CACNA1E: variants seen among roughly 807,000 people sequenced by gnomAD.
CACNA1E encodes voltage-dependent R-type calcium channel subunit alpha-1E.
CACNA1E carries 40 observed loss-of-function variants against 259.2 expected under a neutral mutation model. The ratio of observed to expected loss-of-function variants is 0.15; its 90% confidence interval spans 0.12 to 0.20. CACNA1E has a LOEUF of 0.20. Ranked by LOEUF, CACNA1E falls within the 10% of genes least tolerant of loss-of-function variation. The pLI is 1.00. For synonymous variants in CACNA1E, 1,104 were observed against 1,138.5 expected, an observed-to-expected ratio of 0.97 and a Z score of 0.61; for missense variants, 1,874 against 3,040.1, an observed-to-expected ratio of 0.62 and a Z score of 9.02.
chr1:181,647,691 CAGA>C lies in CACNA1E; in HGVS notation c.952-3644_952-3642del, dbSNP rs1393734598. On this transcript the variant is annotated intron_variant, in intron 6 of 47. Transcript: ENST00000367573. The stretch of plus-strand genomic sequence containing the variant: ...CAATTTTGTTTTAATAATGATGAAT[CAGA>C]AGGAGATTGAAGCCCCAACTGGCAT... 3.9e-5 allele frequency among the ~76,000 whole-genome samples: 6 copies of C among 152,250 alleles called. No individual in the cohort carries two copies. The East Asian group carries it at 9.6e-4, about 24-fold the overall frequency.
intron 25 of CACNA1E, among the ~76,000 whole-genome samples, chr1:181,743,193 C>G (rs1346674081): frequency 2.0e-5 from 3 of 152,156 alleles, no homozygotes; most frequent in African/African-American, 7.2e-5. Flanking sequence ...CACATGGAGA[C>G]AGAGTGTTTG....
At chr1:181,442,284 G>GT (rs1418251738) in intron 2 of CACNA1E, among the ~76,000 whole-genome samples, 1 of 150,502 alleles carries the variant, frequency 6.6e-6, no homozygotes, top group Non-Finnish European at 1.5e-5. Flanking sequence ...AGGTATGAGG[G>GT]TCAGGGCATG....
chr1:181,799,175 G>T lies in CACNA1E; in HGVS notation c.*341G>T. 5.0e-6 allele frequency: 1 copy of T among 199,442 alleles called. No homozygotes were observed. The highest frequency in any genetic ancestry group is 1.3e-4 in the East Asian group (1 of 7,638). The allele number at this position is 199,442 out of a possible 1,614,324, so 12.4% of individuals were successfully genotyped here. ...TTTCTAAAAGCTGTGGAGGGATCTA[G>T]CTGGCCTATGTCTACACTCAGTGCC... On this transcript the variant is annotated 3_prime_UTR_variant, in exon 48 of 48. Coordinates refer to ENST00000367573, the MANE Select transcript of CACNA1E (RefSeq NM_001205293.3).
intron 1 of CACNA1E, among the ~76,000 whole-genome samples, chr1:181,378,224 A>G (rs986395001): frequency 3.9e-5 from 6 of 152,250 alleles, no homozygotes; most frequent in Non-Finnish European, 7.3e-5. Context: ...TCTGGCCAAG[A>G]TGGAGCAAAA....
intron 7 of CACNA1E, 104 bp from the exon 8 acceptor site, chr1:181,710,850 A>C: frequency 1.2e-6 from 1 of 803,318 alleles, no homozygotes. Flanking sequence ...CATGGGCTTA[A>C]TAGAGGTACT....
intron 3 of CACNA1E, among the ~76,000 whole-genome samples, chr1:181,526,881 A>G (rs1160293326): frequency 6.6e-6 from 1 of 152,252 alleles, no homozygotes; most frequent in East Asian, 1.9e-4. Flanking sequence ...TGCTCTGCAC[A>G]TAGTAGATTT....
chr1:181,376,734 A>AG (rs1343790616), intron 1 of CACNA1E, among the ~76,000 whole-genome samples: 4 of 152,046 alleles, frequency 2.6e-5, no homozygotes, highest in African/African-American at 9.7e-5. Context: ...TTCTATTTCC[A>AG]GGGGAGGATG....
chr1:181,549,830 G>A (rs12117938), intron 3 of CACNA1E, among the ~76,000 whole-genome samples: 145,054 of 152,222 alleles, frequency 0.95, 69,507 homozygotes, highest in East Asian at 1. Flanking sequence ...CACTGGAGTG[G>A]GCGTGGAGTG....
chr1:181,467,200 G>T (rs759375393), intron 2 of CACNA1E, among the ~76,000 whole-genome samples: 1 of 152,224 alleles, frequency 6.6e-6, no homozygotes, highest in Non-Finnish European at 1.5e-5. Context: ...CAAGGAGATG[G>T]TTCTCAAATT....
At chr1:181,346,448 C>G (rs1015256665) in intron 1 of CACNA1E, among the ~76,000 whole-genome samples, 4 of 152,168 alleles carry the variant, frequency 2.6e-5, no homozygotes, top group Non-Finnish European at 5.9e-5. Flanking sequence ...TGGGCAGCCC[C>G]CAGTGGAAGG....
intron 7 of CACNA1E, among the ~76,000 whole-genome samples, chr1:181,695,159 GAAAT>G (rs1203121288): frequency 1.3e-5 from 2 of 152,060 alleles, no homozygotes; most frequent in Non-Finnish European, 2.9e-5. Flanking sequence ...CAAATATCTA[GAAAT>G]AAATCTGACA....
intron 1 of CACNA1E, among the ~76,000 whole-genome samples, chr1:181,498,261 G>A (rs1664946109): frequency 6.6e-6 from 1 of 152,196 alleles, no homozygotes; most frequent in Admixed American, 6.5e-5. Flanking sequence ...CTTATATCCT[G>A]ATAAAGACTA....
intron 1 of CACNA1E, among the ~76,000 whole-genome samples, chr1:181,383,778 A>G (rs1459930938): frequency 1.3e-5 from 2 of 152,220 alleles, no homozygotes; most frequent in African/African-American, 4.8e-5. Context: ...CTTACGGGGT[A>G]TGAACATGTG....
At chr1:181,694,590 T>G (rs1430362785) in intron 7 of CACNA1E, among the ~76,000 whole-genome samples, 3 of 152,192 alleles carry the variant, frequency 2.0e-5, no homozygotes, top group Non-Finnish European at 4.4e-5. Context: ...CCTTCTGCCA[T>G]GAGATGATGC....
At chr1:181,333,948 G>T (rs973337312) in intron 1 of CACNA1E, among the ~76,000 whole-genome samples, 1 of 152,170 alleles carries the variant, frequency 6.6e-6, no homozygotes, top group Non-Finnish European at 1.5e-5. Flanking sequence ...GAGCCACTAC[G>T]CCCAGCCATT....
intron 1 of CACNA1E, among the ~76,000 whole-genome samples, chr1:181,391,939 C>CTGTGTG (rs1227455808): frequency 3.4e-4 from 38 of 111,004 alleles, no homozygotes; most frequent in Middle Eastern, 4.1e-3. Context: ...CTCTCTCTCT[C>CTGTGTG]TCTCTCTGTG....
intron 1 of CACNA1E, among the ~76,000 whole-genome samples, chr1:181,338,283 G>A (rs1038611780): frequency 3.9e-5 from 6 of 152,016 alleles, no homozygotes; most frequent in Admixed American, 2.6e-4. Context: ...ATGGAGTTTC[G>A]CCATGTTGGC....
chr1:181,771,623 A>G, intron 36 of CACNA1E: 1 of 524,104 alleles, frequency 1.9e-6, no homozygotes, highest in South Asian at 3.1e-5. Flanking sequence ...GAAGCTAAGC[A>G]GGGTTGGGTC....
intron 2 of CACNA1E, among the ~76,000 whole-genome samples, chr1:181,464,831 T>C (rs1662055393): frequency 6.6e-6 from 1 of 152,188 alleles, no homozygotes; most frequent in Non-Finnish European, 1.5e-5. Context: ...CCGTGTTCCC[T>C]GTGAACACCA....
Sources: allele counts gnomAD v4.1 joint callset (sites outside exome capture counted in the v4.1 genomes callset), GRCh38; gene constraint gnomAD v4.1.1; transcripts MANE v1.5; gene names NCBI Gene and HGNC (gene_info 2026-07-23, HGNC 2026-07-21).